ASIC2: variants seen among roughly 807,000 people sequenced by gnomAD.
ASIC2 encodes acid sensing ion channel subunit 2, also known as acid-sensing ion channel 2.
Under a neutral mutation model 57.3 loss-of-function variants are expected in ASIC2, and 25 were observed. The ratio of observed to expected loss-of-function variants is 0.44; its 90% CI spans 0.32 to 0.61. The LOEUF (loss-of-function observed/expected upper bound fraction) is 0.61. Among genes scored for constraint, ASIC2 ranks in the 20% least tolerant of loss-of-function variants. ASIC2 has a pLI of 0.06. For missense variants in ASIC2, 641 were observed against 738.1 expected (o/e 0.87, Z 1.52); for synonymous variants, 319 against 307.5 (o/e 1.04, Z -0.39).
intron 1 of ASIC2, among the ~76,000 whole-genome samples, chr17:33,482,795 A>G (rs1327835670): frequency 6.6e-6 from 1 of 152,230 alleles, no homozygotes; most frequent in Non-Finnish European, 1.5e-5. Flanking sequence ...AGGCCCTGAG[A>G]GGGCGACTTG....
intron 1 of ASIC2, among the ~76,000 whole-genome samples, chr17:34,145,410 ACT>A (rs1339476093): frequency 1.3e-5 from 2 of 152,066 alleles, no homozygotes; most frequent in African/African-American, 4.8e-5. Flanking sequence ...GGAAATAAAG[ACT>A]CTCAGAGTTG....
chr17:34,016,217 G>A (rs1906948113), intron 1 of ASIC2, among the ~76,000 whole-genome samples: 1 of 152,058 alleles, frequency 6.6e-6, no homozygotes, highest in Non-Finnish European at 1.5e-5. Context: ...CAGGTCAGGA[G>A]ATCAAGACCA....
intron 1 of ASIC2, among the ~76,000 whole-genome samples, chr17:33,493,369 T>C (rs1212806058): frequency 6.6e-6 from 1 of 152,192 alleles, no homozygotes; most frequent in Non-Finnish European, 1.5e-5. Context: ...TGGAGACATC[T>C]GGGATACGCT....
intron 3 of ASIC2, among the ~76,000 whole-genome samples, chr17:33,047,275 C>G (rs557139018): frequency 6.6e-6 from 1 of 152,240 alleles, no homozygotes; most frequent in South Asian, 2.1e-4. Context: ...AGAAATGCTG[C>G]AATCCTTGGC....
chr17:33,217,932 G>A (rs1362479903), intron 1 of ASIC2, among the ~76,000 whole-genome samples: 1 of 152,182 alleles, frequency 6.6e-6, no homozygotes, highest in African/African-American at 2.4e-5. Context: ...TTGAGAAAAG[G>A]GACCCAAAAT....
chr17:33,216,265 T>C (rs999669401), intron 1 of ASIC2, among the ~76,000 whole-genome samples: 6 of 152,218 alleles, frequency 3.9e-5, no homozygotes, highest in Non-Finnish European at 8.8e-5. Context: ...TCATGATGTC[T>C]AAGCAAAAAC....
intron 1 of ASIC2, among the ~76,000 whole-genome samples, chr17:33,126,856 CT>C (rs1159710708): frequency 0.23 from 19,139 of 84,246 alleles, 853 homozygotes; most frequent in Middle Eastern, 0.3. Flanking sequence ...TACCATTACT[CT>C]TTTTTTTTTT....
intron 1 of ASIC2, among the ~76,000 whole-genome samples, chr17:33,598,055 A>G (rs928116861): frequency 2.6e-5 from 4 of 152,236 alleles, no homozygotes; most frequent in Non-Finnish European, 4.4e-5. Context: ...CTGACAGGTT[A>G]AAAAAGAAGA....
At chr17:33,037,541 G>A (rs2091914320) in intron 3 of ASIC2, among the ~76,000 whole-genome samples, 1 of 151,456 alleles carries the variant, frequency 6.6e-6, no homozygotes, top group Non-Finnish European at 1.5e-5. Context: ...ACCGACTCTT[G>A]CTTACCAATG....
chr17:33,895,618 GTTTA>G (rs1178041031), intron 1 of ASIC2, among the ~76,000 whole-genome samples: 1 of 152,190 alleles, frequency 6.6e-6, no homozygotes, highest in Non-Finnish European at 1.5e-5. Context: ...GGGTTGCCTA[GTTTA>G]CTTGGAGCCA....
At chr17:33,213,210 A>C (rs1209225743) in intron 1 of ASIC2, among the ~76,000 whole-genome samples, 1 of 152,232 alleles carries the variant, frequency 6.6e-6, no homozygotes, top group Non-Finnish European at 1.5e-5. Flanking sequence ...TAATATGGGA[A>C]GATTTCTCTG....
chr17:33,138,792 T>C (rs766615366), intron 1 of ASIC2, among the ~76,000 whole-genome samples: 1 of 152,210 alleles, frequency 6.6e-6, no homozygotes, highest in Non-Finnish European at 1.5e-5. Context: ...TGCCTCCATC[T>C]GGGGATTATG....
chr17:33,169,946 G>T (rs1029913099), intron 1 of ASIC2, among the ~76,000 whole-genome samples: 6 of 152,136 alleles, frequency 3.9e-5, no homozygotes, highest in Non-Finnish European at 7.4e-5. Flanking sequence ...ATGCCCTTTT[G>T]TACTTTAAAG....
In ASIC2 at chr17:33,452,738, G is replaced by GGGGTGTGTGTGTGT. The variant is rs1555535324; in HGVS notation, c.556-340672_556-340671insACACACACACACCC. Among the ~76,000 whole-genome samples, 24 of 140,508 alleles carry GGGGTGTGTGTGTGT rather than the reference G, an allele frequency of 1.7e-4. No individual in the cohort carries two copies. The South Asian group carries it at 1.9e-3, about 11-fold the overall frequency. 92.2% of individuals were successfully genotyped at this position (140,508 alleles called of 152,430 possible). ...GTTTTCTTTGTTTGGAACAGAGTGGGGTGTGTGTGTGTGTGTGTGTGTGTG... is the reference window on the plus strand; with the variant it reads ...GTTTTCTTTGTTTGGAACAGAGTGGGGGGTGTGTGTGTGTGTGTGTGTGTGTGTGTGTGTGTGTG... On this transcript the variant is annotated intron_variant, in intron 1 of 9. Transcript: ENST00000359872.
intron 1 of ASIC2, among the ~76,000 whole-genome samples, chr17:33,837,071 G>A (rs1380594630): frequency 6.6e-6 from 1 of 152,112 alleles, no homozygotes; most frequent in African/African-American, 2.4e-5. Context: ...CTGATTACGT[G>A]GGCTGAAAGA....
intron 1 of ASIC2, among the ~76,000 whole-genome samples, chr17:33,141,086 T>C (rs1205127013): frequency 6.6e-6 from 1 of 152,184 alleles, no homozygotes. Flanking sequence ...GACTAGGGGC[T>C]TTCCAAGGAC....
intron 1 of ASIC2, among the ~76,000 whole-genome samples, chr17:33,721,594 C>T (rs1464278120): frequency 1.3e-5 from 2 of 152,152 alleles, no homozygotes; most frequent in South Asian, 2.1e-4. Context: ...AGAGCAGGAC[C>T]GAGAAATAAA....
chr17:33,112,196 C>T (rs2092261214), intron 1 of ASIC2, 129 bp from the exon 2 acceptor site: 6 of 1,198,940 alleles, frequency 5.0e-6, no homozygotes, highest in Non-Finnish European at 6.8e-6. Context: ...TCACCGCTCT[C>T]AGGAACCAGT....
chr17:34,119,444 G>A (rs1347253019), intron 1 of ASIC2, among the ~76,000 whole-genome samples: 1 of 152,134 alleles, frequency 6.6e-6, no homozygotes, highest in Non-Finnish European at 1.5e-5. Context: ...CCTGTTAAAT[G>A]CATTATGCTC....
Sources: allele counts gnomAD v4.1 joint callset (sites outside exome capture counted in the v4.1 genomes callset), GRCh38; gene constraint gnomAD v4.1.1; transcripts MANE v1.5; gene names NCBI Gene and HGNC (gene_info 2026-07-23, HGNC 2026-07-21).